The following RBPMS variants were observed in gnomAD, a reference collection of about 807,000 sequenced individuals.
The protein encoded by RBPMS is RNA binding protein, mRNA processing factor, also known as RNA-binding protein with multiple splicing.
In RBPMS, 7 loss-of-function variants were observed where a neutral mutation model predicts 26.8. The observed-to-expected ratio is 0.26, with a 90% confidence interval of 0.15 to 0.49. The LOEUF is 0.49. Ranked by LOEUF, RBPMS falls within the 20% of genes least tolerant of loss-of-function variation. The pLI is 0.98. For synonymous variants in RBPMS, 96 were observed against 93.3 expected (o/e 1.03, Z -0.17); for missense variants, 186 against 250.0 (o/e 0.74, Z 1.73).
intron 1 of RBPMS, among the ~76,000 whole-genome samples, chr8:30,412,988 T>TA (rs1462517713): frequency 6.6e-6 from 1 of 152,218 alleles, no homozygotes; most frequent in African/African-American, 2.4e-5. Flanking sequence ...CACCCTCACT[T>TA]AAAAAGATGG....
intron 1 of RBPMS, among the ~76,000 whole-genome samples, chr8:30,439,738 C>T (rs1050651962): frequency 6.6e-6 from 1 of 152,110 alleles, no homozygotes; most frequent in African/African-American, 2.4e-5. Flanking sequence ...TCGCTGCAGC[C>T]TTGACCTGGC....
At chr8:30,507,298 GAAT>G (rs1821170876) in intron 5 of RBPMS, among the ~76,000 whole-genome samples, 1 of 152,154 alleles carries the variant, frequency 6.6e-6, no homozygotes, top group African/African-American at 2.4e-5. Context: ...TGTAAAATAG[GAAT>G]AATACTTTCT....
chr8:30,513,037 G>A (rs1227336890), intron 5 of RBPMS, among the ~76,000 whole-genome samples: 1 of 147,792 alleles, frequency 6.8e-6, no homozygotes, highest in Non-Finnish European at 1.5e-5. Context: ...AGGTGGTAGT[G>A]AGGGCACACG....
intron 4 of RBPMS, among the ~76,000 whole-genome samples, chr8:30,484,556 G>GAC (rs1818595802): frequency 6.6e-6 from 1 of 152,138 alleles, no homozygotes; most frequent in Non-Finnish European, 1.5e-5. Context: ...CTGCCACTCA[G>GAC]ACTTCCATTG....
chr8:30,495,624 A>G (rs1563374443), intron 4 of RBPMS, among the ~76,000 whole-genome samples: 1 of 152,236 alleles, frequency 6.6e-6, no homozygotes, highest in African/African-American at 2.4e-5. Flanking sequence ...ATTAAGAAAA[A>G]GAATGAGGCA....
chr8:30,553,679 G>C (rs1463524579), intron 6 of RBPMS: 2 of 152,190 alleles, frequency 1.3e-5, no homozygotes, highest in Non-Finnish European at 2.9e-5. Context: ...ATGGAAACCT[G>C]CCTGAGAATA....
At chr8:30,554,898 G>C (rs1326951148) in intron 6 of RBPMS, among the ~76,000 whole-genome samples, 2 of 152,202 alleles carry the variant, frequency 1.3e-5, no homozygotes, top group African/African-American at 2.4e-5. Context: ...AAAGGGGATA[G>C]CGCAATGCAA....
chr8:30,539,196 T>A (rs1231073344), intron 5 of RBPMS, among the ~76,000 whole-genome samples: 1 of 152,192 alleles, frequency 6.6e-6, no homozygotes, highest in Non-Finnish European at 1.5e-5. Context: ...ATGGCTGCTG[T>A]TTTTCCTGGC....
intron 4 of RBPMS, among the ~76,000 whole-genome samples, chr8:30,488,287 C>T (rs1563367068): frequency 1.3e-5 from 2 of 152,124 alleles, no homozygotes; most frequent in Admixed American, 6.6e-5. Flanking sequence ...AGTATAAAAG[C>T]ATTATTTGTA....
At chr8:30,562,030 CG>C in intron 7 of RBPMS, 1 of 985,240 alleles carries the variant, frequency 1.0e-6, no homozygotes, top group Non-Finnish European at 1.2e-6. Context: ...GAATAAGATC[CG>C]AATAAGAATA....
chr8:30,493,782 T>C lies in RBPMS; in HGVS notation c.247-10504T>C, dbSNP rs114713519. Among the ~76,000 whole-genome samples, 1,442 of 152,256 alleles carry C rather than the reference T, an allele frequency of 9.5e-3. 24 individuals carry two copies. Among genetic ancestry groups the C allele is most frequent in the African/African-American group, 0.029 (1,223 of 41,546 alleles). On this transcript the variant is annotated intron_variant, in intron 4 of 8. Coordinates refer to ENST00000397323, the MANE Select transcript of RBPMS (RefSeq NM_001008710.3). ...AACATAGTGGCAAAAGTTCAAACAATCACGCCCTCTCGACCCTTTGGAAAA... is the reference window on the plus strand; with the variant it reads ...AACATAGTGGCAAAAGTTCAAACAACCACGCCCTCTCGACCCTTTGGAAAA...
chr8:30,410,143 TACACACACACACACACACACACACAC>T (rs34489233), intron 1 of RBPMS, among the ~76,000 whole-genome samples: 3 of 132,096 alleles, frequency 2.3e-5, no homozygotes, highest in Non-Finnish European at 4.8e-5. Flanking sequence ...TGACTTAAAA[TACACACACACACACACACACACACAC>T]ACACACACAC....
intron 3 of RBPMS, 141 bp downstream of exon 3, chr8:30,477,978 A>G (rs1817875467): frequency 3.2e-6 from 2 of 616,730 alleles, no homozygotes; most frequent in Non-Finnish European, 5.7e-6. Flanking sequence ...TGTATTAGGA[A>G]TTAGCACAGG....
intron 4 of RBPMS, among the ~76,000 whole-genome samples, chr8:30,480,478 T>C (rs1162258216): frequency 6.6e-6 from 1 of 152,218 alleles, no homozygotes; most frequent in Non-Finnish European, 1.5e-5. Context: ...AACAAAAATG[T>C]GTACACTCTG....
intron 1 of RBPMS, among the ~76,000 whole-genome samples, chr8:30,413,979 T>G (rs1446261271): frequency 2.0e-5 from 3 of 152,170 alleles, no homozygotes; most frequent in African/African-American, 7.2e-5. Flanking sequence ...TGACCTCAGG[T>G]GATCCGCCCA....
intron 1 of RBPMS, among the ~76,000 whole-genome samples, chr8:30,435,099 C>G (rs1266014629): frequency 1.3e-5 from 2 of 152,138 alleles, no homozygotes; most frequent in African/African-American, 4.8e-5. Flanking sequence ...TGCTCCAAAA[C>G]CTGAAACTTT....
intron 4 of RBPMS, among the ~76,000 whole-genome samples, chr8:30,498,833 A>G (rs1820253009): frequency 6.6e-6 from 1 of 152,142 alleles, no homozygotes. Flanking sequence ...AATTGGAGCT[A>G]TCAGTATGAA....
intron 4 of RBPMS, among the ~76,000 whole-genome samples, chr8:30,488,934 C>T (rs1282389842): frequency 6.6e-6 from 1 of 152,182 alleles, no homozygotes; most frequent in Non-Finnish European, 1.5e-5. Flanking sequence ...TGCCACTTTA[C>T]TGATTTGGGG....
chr8:30,549,699 T>C, intron 6 of RBPMS: 1 of 722,770 alleles, frequency 1.4e-6, no homozygotes, highest in African/African-American at 1.8e-5. Context: ...GGGTCTCCTT[T>C]CCTTTCCCAG....
Sources: allele counts gnomAD v4.1 joint callset (sites outside exome capture counted in the v4.1 genomes callset), GRCh38; gene constraint gnomAD v4.1.1; transcripts MANE v1.5; gene names NCBI Gene and HGNC (gene_info 2026-07-23, HGNC 2026-07-21).